Variants in RNF216 observed in about 807,000 individuals in gnomAD.
The protein encoded by RNF216 is E3 ubiquitin-protein ligase RNF216.
Under a neutral mutation model 110.8 loss-of-function variants are expected in RNF216, and 72 were observed. The observed-to-expected ratio is 0.65, with a 90% CI of 0.54 to 0.79. The LOEUF (loss-of-function observed/expected upper bound fraction) is 0.79. Among genes scored for constraint, RNF216 ranks in the 30% least tolerant of loss-of-function variants. The pLI, the probability that RNF216 is intolerant of heterozygous loss-of-function variation, is 0.00. For synonymous variants in RNF216, 495 were observed against 407.5 expected (o/e 1.21, Z -2.59); for missense variants, 1,342 against 1,141.2 (o/e 1.18, Z -2.54).
chr7:5,777,173 T>C (rs1032622791), intron 1 of RNF216, among the ~76,000 whole-genome samples: 1 of 152,106 alleles, frequency 6.6e-6, no homozygotes, highest in Non-Finnish European at 1.5e-5. Context: ...GAAGAAGACA[T>C]TGTGGAAGCG....
chr7:5,780,275 GGC>G (rs1797008170), intron 1 of RNF216: 1 of 152,172 alleles, frequency 6.6e-6, no homozygotes, highest in Non-Finnish European at 1.5e-5. Flanking sequence ...GACCTGGCCA[GGC>G]TGGAGCCAGG....
At chr7:5,725,565 TGGCAGCTGGGTGC>T in intron 7 of RNF216, 127 bp from the exon 8 acceptor site, 2 of 647,858 alleles carry the variant, frequency 3.1e-6, no homozygotes, top group Non-Finnish European at 5.5e-6. Context: ...CAATTGGTAG[TGGCAGCTGGGTGC>T]GGTGGCTGAC....
chr7:5,623,286 C>T (rs1348328857), intron 16 of RNF216, 107 bp from the exon 17 acceptor site: 2 of 974,520 alleles, frequency 2.1e-6, no homozygotes, highest in Non-Finnish European at 3.0e-6. Context: ...GCTCCACATG[C>T]TGATCAAAGC....
intron 13 of RNF216, among the ~76,000 whole-genome samples, chr7:5,702,426 G>T (rs138564428): frequency 6.6e-6 from 1 of 152,146 alleles, no homozygotes; most frequent in African/African-American, 2.4e-5. Flanking sequence ...GTTATAATGC[G>T]TATGTATTTT....
intron 5 of RNF216, chr7:5,733,227 T>G (rs141722619): frequency 5.9e-5 from 9 of 152,356 alleles, no homozygotes; most frequent in African/African-American, 1.9e-4. Flanking sequence ...CTTGAAAAGA[T>G]GCAATACAAT....
chr7:5,623,217 A>C lies in RNF216; in HGVS notation c.2453-38T>G, dbSNP rs6975280. 3.8e-3 allele frequency: 5,688 copies of C among 1,515,664 alleles called. 150 individuals are homozygous for C. In the African/African-American group the frequency reaches 0.065, roughly 17 times the overall value. The allele number at this position is 1,515,664 out of a possible 1,614,324, so 93.9% of individuals were successfully genotyped here. Reference sequence around the variant, plus strand: ...TGGGGATTAGTGGAGAAAAACATTAAACCAACCTCAATGGAATCTAGCCTG... The same window carrying C: ...TGGGGATTAGTGGAGAAAAACATTACACCAACCTCAATGGAATCTAGCCTG... On this transcript the variant is annotated intron_variant, in intron 16 of 16. Transcript: ENST00000389902.
chr7:5,685,181 A>C (rs1790899042), intron 13 of RNF216, among the ~76,000 whole-genome samples: 1 of 152,080 alleles, frequency 6.6e-6, no homozygotes, highest in African/African-American at 2.4e-5. Flanking sequence ...GCCCATGTAC[A>C]ATGTCCACCA....
chr7:5,748,566 C>T (rs1795157044), intron 3 of RNF216, among the ~76,000 whole-genome samples: 1 of 151,520 alleles, frequency 6.6e-6, no homozygotes, highest in African/African-American at 2.4e-5. Flanking sequence ...TTAACCTTTC[C>T]TCAGCTTACT....
intron 14 of RNF216, 84 bp from the exon 15 acceptor site, chr7:5,641,460 C>T (rs1787728493): frequency 1.8e-6 from 2 of 1,120,186 alleles, no homozygotes; most frequent in Non-Finnish European, 1.3e-6. Flanking sequence ...TTTATTTTCA[C>T]ATAAAATGAT....
At chr7:5,688,525 T>C (rs2128611214) in intron 13 of RNF216, among the ~76,000 whole-genome samples, 1 of 152,334 alleles carries the variant, frequency 6.6e-6, no homozygotes, top group East Asian at 1.9e-4. Context: ...ACTCCCCTCT[T>C]GTCAAGCCTT....
chr7:5,654,528 A>G (rs941891463), intron 13 of RNF216, among the ~76,000 whole-genome samples: 3 of 151,722 alleles, frequency 2.0e-5, no homozygotes, highest in Admixed American at 2.0e-4. Flanking sequence ...CTCTAATAAA[A>G]ATACAAAAAT....
intron 1 of RNF216, among the ~76,000 whole-genome samples, chr7:5,762,640 C>T (rs1382062866): frequency 2.6e-5 from 4 of 151,220 alleles, no homozygotes; most frequent in African/African-American, 4.9e-5. Context: ...TGCAGTGAGC[C>T]GAGATCACAC....
chr7:5,771,405 AC>A (rs1242554310), intron 1 of RNF216, among the ~76,000 whole-genome samples: 4 of 152,224 alleles, frequency 2.6e-5, no homozygotes, highest in Non-Finnish European at 4.4e-5. Context: ...GAAACACTAT[AC>A]ATTAAAATTA....
chr7:5,727,121 GC>G (rs752226626), intron 7 of RNF216, among the ~76,000 whole-genome samples: 15 of 152,188 alleles, frequency 9.9e-5, no homozygotes, highest in Non-Finnish European at 2.1e-4. Flanking sequence ...GCAATGAGAA[GC>G]GGGGTGGCTA....
intron 13 of RNF216, among the ~76,000 whole-genome samples, chr7:5,708,685 T>G (rs533281160): frequency 6.4e-4 from 98 of 152,334 alleles, no homozygotes; most frequent in Admixed American, 1.2e-3. Flanking sequence ...AGCTCTTGCT[T>G]CTTCTGGTGC....
At chr7:5,710,890 G>T (rs761833627) in intron 13 of RNF216, among the ~76,000 whole-genome samples, 1 of 152,200 alleles carries the variant, frequency 6.6e-6, no homozygotes, top group Non-Finnish European at 1.5e-5. Context: ...AGATGCCAGC[G>T]ACTGTTGTGA....
At chr7:5,627,319 T>C (rs149517561) in intron 15 of RNF216, among the ~76,000 whole-genome samples, 73 of 152,342 alleles carry the variant, frequency 4.8e-4, no homozygotes, top group African/African-American at 1.8e-3. Context: ...GTCAGGACCG[T>C]GCTGGACGCT....
chr7:5,674,938 A>G lies in RNF216; in HGVS notation c.2062-22428T>C, dbSNP rs184450835. Among the ~76,000 whole-genome samples the G allele has an allele frequency of 1.2e-4, 18 of 152,126 alleles. No individual in the cohort carries two copies. In the Middle Eastern group the frequency reaches 0.01, roughly 86 times the overall value. On this transcript the variant is annotated intron_variant, in intron 13 of 16. Transcript: ENST00000389902. ...CTTGAACCAGGGAGGTGGAGGTTGC[A>G]GTGAGCTGAGATCGCGCCACTGCAC...
intron 3 of RNF216, among the ~76,000 whole-genome samples, chr7:5,746,368 G>A (rs17135724): frequency 0.062 from 9,506 of 152,152 alleles, 354 homozygotes; most frequent in East Asian, 0.12. Flanking sequence ...AGGTCTTTAC[G>A]GCTTGAGTCA....
Sources: gnomAD v4.1 joint callset for allele counts (sites outside exome capture counted in the v4.1 genomes callset) on GRCh38, gnomAD v4.1.1 for gene constraint, MANE v1.5 for transcripts, NCBI Gene and HGNC (gene_info 2026-07-23, HGNC 2026-07-21) for gene names.